FRMPD3: variants seen among roughly 807,000 people sequenced by gnomAD.
FRMPD3 encodes FERM and PDZ domain containing 3.
A neutral mutation model predicts 97.9 loss-of-function variants in FRMPD3; 42 were observed. The ratio of observed to expected loss-of-function variants is 0.43; its 90% CI spans 0.34 to 0.55. The LOEUF (loss-of-function observed/expected upper bound fraction) is 0.55. Among genes scored for constraint, FRMPD3 ranks in the 20% least tolerant of loss-of-function variants. The probability of loss-of-function intolerance (pLI) is 0.03; values close to 1 mark genes in which losing one functional copy is unlikely to be tolerated. For missense variants in FRMPD3, 1,303 were observed against 1,457.7 expected, an observed-to-expected ratio of 0.89 and a Z score of 1.73; for synonymous variants, 577 against 581.1, an observed-to-expected ratio of 0.99 and a Z score of 0.10.
In FRMPD3 at chrX:107,597,507, G is replaced by A. The variant is rs762558163; in HGVS notation, c.1628G>A (p.Arg543Gln). The A allele has an allele frequency of 1.7e-6, 2 of 1,210,752 alleles. No individual in the cohort carries two copies. Among genetic ancestry groups the A allele is most frequent in the South Asian group, 1.8e-5 (1 of 56,990 alleles). The change falls in exon 14 of 15, where the codon CGG (arginine) becomes CAG (glutamine). Residue 543 changes from arginine (R) to glutamine (Q), a missense_variant. This residue lies in a region of FRMPD3 where 535 missense variants were observed against 618.6 expected (regional missense o/e 0.86). Coordinates refer to ENST00000683843, the MANE Select transcript of FRMPD3 (RefSeq NM_001388459.1). ...GAACAAAGGAAGGAGCAGGAAAGCC[G>A]GACAGATGTCAACGAGAACCTAATC... is the stretch of plus-strand genomic sequence containing the variant. ...MREQRKEQES[R>Q]TDVNENLIFF...
At chrX:107,517,091 C>A (rs979231755) in intron 1 of FRMPD3, among the ~76,000 whole-genome samples, 43 of 111,650 alleles carry the variant, frequency 3.9e-4, no homozygotes, top group African/African-American at 1.3e-3. Context: ...AGCTTTCTAC[C>A]TATGGCTAGC....
intron 1 of FRMPD3, among the ~76,000 whole-genome samples, chrX:107,488,122 C>T (rs978221502): frequency 2.7e-5 from 3 of 111,645 alleles, no homozygotes; most frequent in Non-Finnish European, 5.6e-5. Flanking sequence ...CTCTTTCCTC[C>T]GTTGCCTTGG....
intron 13 of FRMPD3, among the ~76,000 whole-genome samples, chrX:107,579,965 G>A (rs941121711): frequency 2.7e-5 from 3 of 111,903 alleles, no homozygotes; most frequent in East Asian, 5.6e-4. Context: ...AAGACTGAAC[G>A]TAGTAGACTT....
chrX:107,525,941 T>C (rs993503766), intron 1 of FRMPD3, among the ~76,000 whole-genome samples: 5 of 110,447 alleles, frequency 4.5e-5, no homozygotes, highest in Non-Finnish European at 7.6e-5. Flanking sequence ...CCAGGCGTGG[T>C]GGCACATGCC....
intron 5 of FRMPD3, among the ~76,000 whole-genome samples, chrX:107,549,602 G>C (rs1010217299): frequency 8.9e-6 from 1 of 111,772 alleles, no homozygotes; most frequent in Non-Finnish European, 1.9e-5. Flanking sequence ...TTGACAGGAC[G>C]TGATCTTGGC....
intron 1 of FRMPD3, among the ~76,000 whole-genome samples, chrX:107,487,794 C>A (rs1489321506): frequency 8.9e-6 from 1 of 111,919 alleles, no homozygotes; most frequent in East Asian, 2.8e-4. Context: ...GCCGGTTGTC[C>A]ATTTGTTTGT....
intron 1 of FRMPD3, among the ~76,000 whole-genome samples, chrX:107,514,571 G>C (rs914581082): frequency 4.7e-5 from 5 of 105,964 alleles, no homozygotes; most frequent in Non-Finnish European, 3.9e-5. Context: ...TGTCACCCAG[G>C]CTGGAGTGCA....
intron 1 of FRMPD3, among the ~76,000 whole-genome samples, chrX:107,504,457 G>T (rs1169899034): frequency 8.9e-6 from 1 of 112,551 alleles, no homozygotes; most frequent in Non-Finnish European, 1.9e-5. Context: ...GGTTTTGTCT[G>T]GCAAGACCCT....
At chrX:107,493,117 C>T (rs1921696697) in intron 1 of FRMPD3, among the ~76,000 whole-genome samples, 1 of 88,277 alleles carries the variant, frequency 1.1e-5, no homozygotes, top group Non-Finnish European at 2.1e-5. Context: ...AAGGTTAAGG[C>T]TATAGAGAGC....
intron 1 of FRMPD3, among the ~76,000 whole-genome samples, chrX:107,450,601 C>CACACAG (rs1463795736): frequency 1.6e-4 from 15 of 93,410 alleles, no homozygotes; most frequent in Non-Finnish European, 2.8e-4. Flanking sequence ...CACACACACA[C>CACACAG]AGAGAGAGAG....
At chrX:107,522,851 A>G (rs928200307) in intron 1 of FRMPD3, among the ~76,000 whole-genome samples, 1 of 109,585 alleles carries the variant, frequency 9.1e-6, no homozygotes, top group Non-Finnish European at 1.9e-5. Context: ...AAGGGGAGAG[A>G]ATGAAGGCAC....
At chrX:107,462,958 C>T (rs1306769128) in intron 1 of FRMPD3, among the ~76,000 whole-genome samples, 1 of 112,018 alleles carries the variant, frequency 8.9e-6, no homozygotes, top group East Asian at 2.8e-4. Context: ...ACCACCCCCA[C>T]AACCTCAGCT....
rs1188420152 is a variant in FRMPD3 at position 107,605,218 on chromosome X, A to G, written c.*1845A>G. 9.0e-6 allele frequency: 1 copy of G among 111,132 alleles called. No homozygotes were observed. Among genetic ancestry groups the G allele is most frequent in the Non-Finnish European group, 1.9e-5 (1 of 53,089 alleles). The allele number at this position is 111,132 out of a possible 1,213,427, so 9.2% of individuals were successfully genotyped here. On this transcript the variant is annotated 3_prime_UTR_variant, in exon 15 of 15. Coordinates refer to ENST00000683843, the MANE Select transcript of FRMPD3 (RefSeq NM_001388459.1). ...TAATTTATGTCTTGTTTTTCAAACA[A>G]GAATGATTAAATCTATTCATCTTAC...
rs754749114 is a variant in FRMPD3, at chrX:107,601,863, G to A, written c.3824G>A (p.Arg1275His). ...TEYLQPPAPGRCSCQLRSSPV... is the reference protein window; with the variant it reads ...TEYLQPPAPGHCSCQLRSSPV... ...TACCTGCAACCTCCAGCACCTGGCC[G>A]CTGCAGCTGCCAGCTCCGCAGCAGC... The change falls in exon 15 of 15, where the codon CGC (arginine) becomes CAC (histidine). Residue 1275 changes from arginine to histidine, a missense_variant. Transcript: ENST00000683843. 5 of 1,207,585 alleles carry A rather than the reference G, an allele frequency of 4.1e-6. No individual in the cohort carries two copies. The highest frequency in any genetic ancestry group is 2.3e-4 in the Middle Eastern group (1 of 4,365).
chrX:107,510,460 A>T (rs1922137603), intron 1 of FRMPD3, among the ~76,000 whole-genome samples: 1 of 111,532 alleles, frequency 9.0e-6, no homozygotes, highest in African/African-American at 3.3e-5. Flanking sequence ...AGGTGCTCTG[A>T]GGTTTGTAAT....
chrX:107,586,494 G>C (rs1277825563), intron 13 of FRMPD3, among the ~76,000 whole-genome samples: 1 of 109,332 alleles, frequency 9.1e-6, no homozygotes, highest in Non-Finnish European at 1.9e-5. Context: ...CTAGCCTTTG[G>C]ATTAGTTTGC....
intron 1 of FRMPD3, among the ~76,000 whole-genome samples, chrX:107,486,744 A>G (rs1921514817): frequency 8.9e-6 from 1 of 112,100 alleles, no homozygotes; most frequent in African/African-American, 3.2e-5. Flanking sequence ...GCAACTTTGT[A>G]GTAAGTTTTG....
At chrX:107,461,652 A>C (rs1020945064) in intron 1 of FRMPD3, among the ~76,000 whole-genome samples, 1 of 110,877 alleles carries the variant, frequency 9.0e-6, no homozygotes, top group African/African-American at 3.3e-5. Flanking sequence ...TCATCGTGTC[A>C]GTCCCTGCTC....
chrX:107,492,652 C>G (rs1459431291), intron 1 of FRMPD3, among the ~76,000 whole-genome samples: 3 of 112,071 alleles, frequency 2.7e-5, no homozygotes, highest in Non-Finnish European at 5.6e-5. Context: ...TGCAGAATCT[C>G]AGGCCTCTAC....
Sources: allele counts gnomAD v4.1 joint callset (sites outside exome capture counted in the v4.1 genomes callset), GRCh38; gene constraint gnomAD v4.1.1; regional missense constraint gnomAD v4.1.1; transcripts MANE v1.5; gene names NCBI Gene and HGNC (gene_info 2026-07-23, HGNC 2026-07-21).